TRAF3IP1: variants seen among roughly 807,000 people sequenced by gnomAD.
TRAF3IP1 encodes intraflagellar transport 54, also known as TRAF3-interacting protein 1.
In TRAF3IP1, 53 loss-of-function variants were observed where a neutral mutation model predicts 89.9. The observed-to-expected ratio is 0.59, with a 90% CI of 0.47 to 0.74. The LOEUF is 0.74. Ranked by LOEUF, TRAF3IP1 falls within the 30% of genes least tolerant of loss-of-function variation. The pLI is 0.00. For synonymous variants in TRAF3IP1, 311 were observed against 322.1 expected (o/e 0.97, Z 0.37); for missense variants, 806 against 866.1 (o/e 0.93, Z 0.87).
At position 238,348,815 on chromosome 2, in the gene TRAF3IP1, C is replaced by T; in HGVS notation, c.1334C>T (p.Pro445Leu). 6.2e-7 allele frequency: 1 copy of T among 1,614,114 alleles called. No homozygotes were observed. The highest frequency in any genetic ancestry group is 8.5e-7 in the Non-Finnish European group (1 of 1,180,008). The change falls in exon 11 of 17, where the codon CCA becomes CTA. Residue 445 changes from proline to leucine, a missense_variant. Physicochemically the swap from Pro to Leu is moderately conservative, Grantham distance 98. Transcript: ENST00000373327. Reference protein sequence around the residue: ...GQDKSEVPETPEIPNELSSNI... With the variant: ...GQDKSEVPETLEIPNELSSNI... ...GATAAGTCTGAGGTGCCAGAGACTC[C>T]AGAAATTCCTAATGAGCTTTCATCC...
intron 15 of TRAF3IP1, among the ~76,000 whole-genome samples, chr2:238,364,942 A>G (rs1271581562): frequency 6.6e-6 from 1 of 152,250 alleles, no homozygotes; most frequent in Non-Finnish European, 1.5e-5. Flanking sequence ...AAATATTGCT[A>G]GAATGACTAG....
At chr2:238,328,520 G>A (rs1697949498) in intron 3 of TRAF3IP1, among the ~76,000 whole-genome samples, 166 bp from the exon 4 acceptor site, 3 of 152,142 alleles carry the variant, frequency 2.0e-5, no homozygotes, top group Admixed American at 2.0e-4. Flanking sequence ...GATATGCTGT[G>A]CTTTGTATGT....
chr2:238,372,637 GTA>G (rs1224544855), intron 15 of TRAF3IP1, among the ~76,000 whole-genome samples: 2 of 152,140 alleles, frequency 1.3e-5, no homozygotes, highest in East Asian at 3.8e-4. Context: ...AATCCTTTGG[GTA>G]TATACCCAGT....
chr2:238,367,163 CAAA>C (rs33964253), intron 15 of TRAF3IP1, among the ~76,000 whole-genome samples: 5 of 36,162 alleles, frequency 1.4e-4, no homozygotes, highest in African/African-American at 5.4e-4. Context: ...GACTCTGTCT[CAAA>C]AAAAAAAAAA....
intron 14 of TRAF3IP1, among the ~76,000 whole-genome samples, chr2:238,354,955 C>CTT (rs541254820): frequency 2.1e-5 from 3 of 144,716 alleles, no homozygotes; most frequent in Non-Finnish European, 4.6e-5. Flanking sequence ...AGCCCAAGGA[C>CTT]TTTTTTTTTT....
chr2:238,324,320 G>A (rs1377727388), intron 1 of TRAF3IP1, among the ~76,000 whole-genome samples: 2 of 151,972 alleles, frequency 1.3e-5, no homozygotes, highest in Admixed American at 6.6e-5. Flanking sequence ...CACCCACCTC[G>A]GCCTCCCAAA....
rs373569951 is a variant in TRAF3IP1 at position 238,397,454 on chromosome 2, T to C, written c.1690-5T>C. The C allele has an allele frequency of 1.2e-6, 2 of 1,612,476 alleles. No individual in the cohort carries two copies. The highest frequency in any genetic ancestry group is 1.7e-6 in the Non-Finnish European group (2 of 1,179,648). On this transcript the variant is annotated splice_polypyrimidine_tract_variant and splice_region_variant and intron_variant, in intron 15 of 16. Transcript: ENST00000373327. ...GTTCCTCTTCCTATGTCTCCCTGAC[T>C]GTAGGAGCGATCTCTCTTTGAGTCG...
chr2:238,336,745 A>G (rs1698407339), intron 7 of TRAF3IP1, among the ~76,000 whole-genome samples: 1 of 152,150 alleles, frequency 6.6e-6, no homozygotes, highest in South Asian at 2.1e-4. Context: ...GTGCAATTTT[A>G]TGTCAGGAAG....
At chr2:238,365,686 A>C (rs1452499749) in intron 15 of TRAF3IP1, among the ~76,000 whole-genome samples, 1 of 151,820 alleles carries the variant, frequency 6.6e-6, no homozygotes, top group Non-Finnish European at 1.5e-5. Context: ...AAAAATAAAT[A>C]AATAAATAAA....
At chr2:238,362,264 C>G (rs1455625894) in intron 15 of TRAF3IP1, among the ~76,000 whole-genome samples, 6 of 151,208 alleles carry the variant, frequency 4.0e-5, no homozygotes, top group African/African-American at 1.5e-4. Context: ...TTTTTTTTTA[C>G]TAAGTCAGCT....
chr2:238,324,913 C>T (rs1574887303), intron 1 of TRAF3IP1, among the ~76,000 whole-genome samples: 1 of 152,252 alleles, frequency 6.6e-6, no homozygotes, highest in East Asian at 1.9e-4. Context: ...TGTGGACTTT[C>T]TTATGTTTGG....
At chr2:238,344,622 T>G in intron 9 of TRAF3IP1, 24 bp downstream of exon 9, 1 of 1,601,468 alleles carries the variant, frequency 6.2e-7, no homozygotes, top group Non-Finnish European at 8.6e-7. Flanking sequence ...AGTTTCGCCC[T>G]TTCCTGGCGA....
intron 15 of TRAF3IP1, among the ~76,000 whole-genome samples, chr2:238,384,687 G>A (rs188157611): frequency 6.6e-6 from 1 of 151,572 alleles, no homozygotes; most frequent in African/African-American, 2.4e-5. Context: ...CTGGCCTGAT[G>A]TCCTTTAAAA....
chr2:238,334,134 G>A, intron 7 of TRAF3IP1, 99 bp downstream of exon 7: 3 of 903,050 alleles, frequency 3.3e-6, no homozygotes, highest in South Asian at 1.6e-5. Flanking sequence ...TCCTATGGCT[G>A]GAAAACAGAC....
rs1363426044 is a variant in TRAF3IP1 at position 238,344,600 on chromosome 2, T to A, written c.1261+2T>A. The A allele has an allele frequency of 6.2e-7, 1 of 1,613,312 alleles. No individual in the cohort carries two copies. The highest frequency in any genetic ancestry group is 1.7e-5 in the Admixed American group (1 of 60,002). ...CCAACCCCACAGAGAAGCAGAAAGGTAAGAATGGTCCAGTTTCGCCCTTTC... is the reference window on the plus strand; with the variant it reads ...CCAACCCCACAGAGAAGCAGAAAGGAAAGAATGGTCCAGTTTCGCCCTTTC... On this transcript the variant is annotated splice_donor_variant, in intron 9 of 16. Transcript: ENST00000373327. LOFTEE classifies it high-confidence loss of function.
intron 15 of TRAF3IP1, among the ~76,000 whole-genome samples, chr2:238,380,164 C>T (rs1450353798): frequency 6.6e-6 from 1 of 152,174 alleles, no homozygotes; most frequent in Non-Finnish European, 1.5e-5. Flanking sequence ...GGCCCCTCCC[C>T]TCTCAATTAG....
intron 9 of TRAF3IP1, among the ~76,000 whole-genome samples, chr2:238,346,180 A>G (rs967632214): frequency 5.9e-5 from 9 of 152,148 alleles, no homozygotes; most frequent in Admixed American, 5.2e-4. Context: ...CCGCACAGCC[A>G]TGAGGAAAAG....
At chr2:238,320,843 G>C in intron 1 of TRAF3IP1, 58 bp downstream of exon 1, 1 of 1,286,512 alleles carries the variant, frequency 7.8e-7, no homozygotes, top group Non-Finnish European at 1.0e-6. Context: ...TGGGCGCCGA[G>C]GTCAGGGCCC....
intron 8 of TRAF3IP1, among the ~76,000 whole-genome samples, chr2:238,344,083 T>G (rs984529119): frequency 2.0e-5 from 3 of 152,240 alleles, no homozygotes; most frequent in African/African-American, 7.2e-5. Context: ...TGGCCAGGAC[T>G]GTGCACTGTG....
Sources: gnomAD v4.1 joint callset for allele counts (sites outside exome capture counted in the v4.1 genomes callset) on GRCh38, gnomAD v4.1.1 for gene constraint, MANE v1.5 for transcripts, NCBI Gene and HGNC (gene_info 2026-07-23, HGNC 2026-07-21) for gene names.